Variants in BICC1 observed in about 807,000 individuals in gnomAD.
The protein encoded by BICC1 is BicC family RNA binding protein 1, also known as protein bicaudal C homolog 1.
In BICC1, 43 loss-of-function variants were observed where a neutral mutation model predicts 111.0. That is an observed-to-expected ratio of 0.39 (90% CI 0.30 to 0.50). The LOEUF is 0.50. Ranked by LOEUF, BICC1 falls within the 20% of genes least tolerant of loss-of-function variation. The probability of loss-of-function intolerance (pLI) is 0.88; values close to 1 mark genes in which losing one functional copy is unlikely to be tolerated. For synonymous variants in BICC1, 467 were observed against 434.4 expected, an observed-to-expected ratio of 1.07 and a Z score of -0.93; for missense variants, 1,091 against 1,203.2, an observed-to-expected ratio of 0.91 and a Z score of 1.38.
At chr10:58,752,397 A>G (rs1314033779) in intron 3 of BICC1, among the ~76,000 whole-genome samples, 1 of 152,166 alleles carries the variant, frequency 6.6e-6, no homozygotes, top group Non-Finnish European at 1.5e-5. Flanking sequence ...CTCTGGCACA[A>G]TTGCAAGATT....
At chr10:58,759,968 G>A (rs200591842) in intron 3 of BICC1, among the ~76,000 whole-genome samples, 296 of 132,352 alleles carry the variant, frequency 2.2e-3, no homozygotes, top group Middle Eastern at 3.9e-3. Flanking sequence ...AAAAGAAAAA[G>A]AAAAAAAAAA....
At chr10:58,657,679 G>A (rs1388176246) in intron 2 of BICC1, among the ~76,000 whole-genome samples, 1 of 152,142 alleles carries the variant, frequency 6.6e-6, no homozygotes, top group Non-Finnish European at 1.5e-5. Context: ...AAGAGCTTCA[G>A]TCTCCTTTCT....
intron 3 of BICC1, among the ~76,000 whole-genome samples, chr10:58,764,606 G>C (rs981034928): frequency 4.0e-5 from 6 of 150,518 alleles, no homozygotes; most frequent in Non-Finnish European, 5.9e-5. Flanking sequence ...CATAGAGCCT[G>C]GAAATTGATC....
At chr10:58,666,985 A>G (rs1839032811) in intron 2 of BICC1, among the ~76,000 whole-genome samples, 1 of 152,162 alleles carries the variant, frequency 6.6e-6, no homozygotes, top group African/African-American at 2.4e-5. Context: ...TATATTAGAC[A>G]TAATGGGTTA....
At chr10:58,566,161 TGTATATATACATATACACAC>T (rs1256323184) in intron 1 of BICC1, among the ~76,000 whole-genome samples, 8 of 151,812 alleles carry the variant, frequency 5.3e-5, no homozygotes, top group Admixed American at 2.6e-4. Flanking sequence ...TGTGTGTGTG[TGTATATATACATATACACAC>T]GTGTGTATAT....
intron 3 of BICC1, chr10:58,715,526 C>T (rs1302344323): frequency 1.1e-5 from 15 of 1,343,494 alleles, no homozygotes; most frequent in Middle Eastern, 1.8e-4. Flanking sequence ...TTTCCCTCGG[C>T]GTGCCACTGT....
chr10:58,601,823 A>G (rs1392944280), intron 1 of BICC1, among the ~76,000 whole-genome samples: 1 of 152,116 alleles, frequency 6.6e-6, no homozygotes, highest in African/African-American at 2.4e-5. Flanking sequence ...ACCATTTAAA[A>G]AAGGATGGAT....
chr10:58,762,943 G>A (rs1842357470), intron 3 of BICC1, among the ~76,000 whole-genome samples: 1 of 152,148 alleles, frequency 6.6e-6, no homozygotes, highest in Non-Finnish European at 1.5e-5. Context: ...GTGTTGGTTA[G>A]ACTCAATGAA....
At position 58,547,930 on chromosome 10, in the gene BICC1, C is replaced by G. The variant is rs150839435; in HGVS notation, c.190+34597C>G. Among the ~76,000 whole-genome samples the G allele has an allele frequency of 1.4e-4, 21 of 152,200 alleles. No homozygotes were observed. In the East Asian group the frequency reaches 4.1e-3, roughly 29 times the overall value. The stretch of plus-strand genomic sequence containing the variant: ...AGAATCAATGATTTTTTCCAAGGAG[C>G]CCTGGTTTCTTTTATTGGAGACTGT... On this transcript the variant is annotated intron_variant, in intron 1 of 20. Transcript: ENST00000373886.
intron 20 of BICC1, among the ~76,000 whole-genome samples, chr10:58,821,960 A>G (rs1395223091): frequency 1.3e-5 from 2 of 152,146 alleles, no homozygotes; most frequent in Non-Finnish European, 2.9e-5. Context: ...AAATGGACAA[A>G]ACGATAGTTT....
chr10:58,748,295 G>A (rs1479895893), intron 3 of BICC1, among the ~76,000 whole-genome samples: 1 of 152,032 alleles, frequency 6.6e-6, no homozygotes, highest in Non-Finnish European at 1.5e-5. Flanking sequence ...TAACCTGGTG[G>A]ATCAGGCAGA....
At chr10:58,635,790 C>CT (rs752726584) in intron 2 of BICC1, among the ~76,000 whole-genome samples, 15 of 152,196 alleles carry the variant, frequency 9.9e-5, no homozygotes, top group Non-Finnish European at 2.2e-4. Context: ...GTTCTTGACT[C>CT]TAACAGCGAT....
At chr10:58,702,523 T>C (rs906694831) in intron 3 of BICC1, among the ~76,000 whole-genome samples, 6 of 152,104 alleles carry the variant, frequency 3.9e-5, no homozygotes, top group Non-Finnish European at 5.9e-5. Flanking sequence ...GTTTTTTTTT[T>C]CCCTCCAGTA....
chr10:58,516,035 T>G (rs1202472834), intron 1 of BICC1, among the ~76,000 whole-genome samples: 1 of 152,210 alleles, frequency 6.6e-6, no homozygotes, highest in Non-Finnish European at 1.5e-5. Flanking sequence ...CAATAAGCAT[T>G]CTAATATTGT....
chr10:58,567,590 A>G (rs1414773522), intron 1 of BICC1, among the ~76,000 whole-genome samples: 1 of 151,748 alleles, frequency 6.6e-6, no homozygotes, highest in Non-Finnish European at 1.5e-5. Context: ...TAAAATATAT[A>G]ATTTCCCATC....
intron 2 of BICC1, among the ~76,000 whole-genome samples, chr10:58,690,933 C>T (rs1005418855): frequency 1.3e-5 from 2 of 152,154 alleles, no homozygotes; most frequent in Non-Finnish European, 2.9e-5. Context: ...TTTGTTAAAT[C>T]AGTACTATTT....
At chr10:58,635,780 G>A (rs963259850) in intron 2 of BICC1, among the ~76,000 whole-genome samples, 9 of 152,028 alleles carry the variant, frequency 5.9e-5, no homozygotes, top group Admixed American at 3.3e-4. Context: ...AGCCCTGATC[G>A]TTCTTGACTC....
chr10:58,653,397 A>T (rs1333790775), intron 2 of BICC1, among the ~76,000 whole-genome samples: 1 of 152,140 alleles, frequency 6.6e-6, no homozygotes, highest in Non-Finnish European at 1.5e-5. Context: ...GATGGGACAA[A>T]TGCTTGATAA....
rs7071051 is a variant in BICC1 at position 58,788,290 on chromosome 10, A to C, written c.547-80A>C. 5.8e-4 allele frequency: 612 copies of C among 1,055,504 alleles called. 2 individuals are homozygous for C. The African/African-American group carries it at 7.7e-3, about 13-fold the overall frequency. The allele number at this position is 1,055,504 out of a possible 1,614,324, so 65.4% of individuals were successfully genotyped here. ...TTTGTCCCTGGATGACACTTTTAGT[A>C]GCAAGCATATAGATGAACTGGAAAA... On this transcript the variant is annotated intron_variant, in intron 5 of 20. Transcript: ENST00000373886.
Sources: gnomAD v4.1 joint callset for allele counts (sites outside exome capture counted in the v4.1 genomes callset) on GRCh38, gnomAD v4.1.1 for gene constraint, MANE v1.5 for transcripts, NCBI Gene and HGNC (gene_info 2026-07-23, HGNC 2026-07-21) for gene names.